The following GPR107 variants were observed in gnomAD, a reference collection of about 807,000 sequenced individuals.
GPR107 encodes G protein-coupled receptor 107.
GPR107 carries 31 observed loss-of-function variants against 75.5 expected under a neutral mutation model. The observed-to-expected ratio is 0.41, with a 90% CI of 0.31 to 0.55. The LOEUF is 0.55. Among genes scored for constraint, GPR107 ranks in the 20% least tolerant of loss-of-function variants. The pLI is 0.26. For missense variants in GPR107, 572 were observed against 665.7 expected, an observed-to-expected ratio of 0.86 and a Z score of 1.55; for synonymous variants, 267 against 251.3, an observed-to-expected ratio of 1.06 and a Z score of -0.59.
intron 7 of GPR107, among the ~76,000 whole-genome samples, chr9:130,088,679 T>C (rs911356525): frequency 1.3e-5 from 2 of 152,212 alleles, no homozygotes; most frequent in Admixed American, 1.3e-4. Context: ...ATTTTTTCTC[T>C]TTTACCAATG....
At chr9:130,055,895 G>A (rs1043682010) in intron 1 of GPR107, among the ~76,000 whole-genome samples, 4 of 151,862 alleles carry the variant, frequency 2.6e-5, no homozygotes, top group Non-Finnish European at 5.9e-5. Flanking sequence ...AGTGAGCAGA[G>A]ATCATTGTGC....
At chr9:130,096,885 A>G (rs1436317067) in intron 9 of GPR107, among the ~76,000 whole-genome samples, 3 of 152,230 alleles carry the variant, frequency 2.0e-5, no homozygotes, top group Non-Finnish European at 4.4e-5. Flanking sequence ...CCTTTCTGCG[A>G]TCTAGCCATG....
rs1020288667 is a variant in GPR107 at position 130,092,495 on chromosome 9, G to C, written c.863+114G>C. The C allele has an allele frequency of 4.8e-6, 4 of 839,842 alleles. No individual in the cohort carries two copies. The African/African-American group carries it at 6.8e-5, about 14-fold the overall frequency. The allele number at this position is 839,842 out of a possible 1,614,324, so 52.0% of individuals were successfully genotyped here. ...ACTTAGCAGTGTTGTTCCTTTCAAA[G>C]GGCATCTTCCCGGAAACAGTATGAA... On this transcript the variant is annotated intron_variant, in intron 9 of 17. Coordinates refer to ENST00000347136, the MANE Select transcript of GPR107 (RefSeq NM_020960.5).
intron 5 of GPR107, among the ~76,000 whole-genome samples, chr9:130,080,535 A>T (rs1830469108): frequency 6.6e-6 from 1 of 151,428 alleles, no homozygotes; most frequent in African/African-American, 2.4e-5. Context: ...TCTGTCGCCC[A>T]GGCTGGAGTA....
intron 14 of GPR107, among the ~76,000 whole-genome samples, chr9:130,111,637 C>T (rs780329249): frequency 1.2e-4 from 18 of 152,242 alleles, no homozygotes; most frequent in Non-Finnish European, 2.5e-4. Context: ...TTGTAGTTTT[C>T]CTTCCTGCAT....
At chr9:130,058,001 G>A (rs1829835274) in intron 1 of GPR107, among the ~76,000 whole-genome samples, 1 of 151,922 alleles carries the variant, frequency 6.6e-6, no homozygotes. Flanking sequence ...GCTAATTTTT[G>A]TATTTTTAGT....
In GPR107 at chr9:130,137,450, C is replaced by G. The variant is rs1276555264; in HGVS notation, c.*2329C>G. 1 of 152,260 alleles carries G rather than the reference C, an allele frequency of 6.6e-6. No homozygotes were observed. Among genetic ancestry groups the G allele is most frequent in the East Asian group, 1.9e-4 (1 of 5,202 alleles). The allele number at this position is 152,260 out of a possible 1,614,324, so 9.4% of individuals were successfully genotyped here. A position where few individuals can be genotyped will look rare whatever the true frequency, so the allele number is the denominator to read the frequency against. On this transcript the variant is annotated 3_prime_UTR_variant, in exon 18 of 18. Transcript: ENST00000347136. The stretch of plus-strand genomic sequence containing the variant: ...GTGGACAGATGAGATAAGACTGTTT[C>G]AGAAACAAAGATGGCCACAGCCTTC...
intron 8 of GPR107, among the ~76,000 whole-genome samples, chr9:130,091,589 C>A (rs1448664365): frequency 6.8e-6 from 1 of 148,044 alleles, no homozygotes; most frequent in African/African-American, 2.5e-5. Context: ...AGTGCAATGG[C>A]ATGATCTTGC....
At chr9:130,117,156 A>G (rs1362025280) in intron 14 of GPR107, among the ~76,000 whole-genome samples, 2 of 152,140 alleles carry the variant, frequency 1.3e-5, no homozygotes, top group Non-Finnish European at 2.9e-5. Context: ...CATGTTGGCC[A>G]GGCTGGTCTC....
chr9:130,131,607 C>G (rs1168027165), intron 17 of GPR107, among the ~76,000 whole-genome samples: 1 of 152,066 alleles, frequency 6.6e-6, no homozygotes, highest in Non-Finnish European at 1.5e-5. Flanking sequence ...CCCTGTCCTC[C>G]TGCTCCGCGT....
At chr9:130,093,157 A>G (rs1830781615) in intron 9 of GPR107, among the ~76,000 whole-genome samples, 1 of 152,072 alleles carries the variant, frequency 6.6e-6, no homozygotes, top group African/African-American at 2.4e-5. Flanking sequence ...TGACTTCCAG[A>G]TACTTGTCAC....
At chr9:130,128,260 T>C (rs1178087507) in intron 16 of GPR107, among the ~76,000 whole-genome samples, 1 of 152,194 alleles carries the variant, frequency 6.6e-6, no homozygotes, top group Non-Finnish European at 1.5e-5. Flanking sequence ...ATTATTTCGA[T>C]AATAAGTATC....
intron 4 of GPR107, among the ~76,000 whole-genome samples, chr9:130,079,317 G>A (rs1380096124): frequency 6.6e-6 from 1 of 152,170 alleles, no homozygotes; most frequent in Non-Finnish European, 1.5e-5. Context: ...TTTCTCTTGT[G>A]CACCAATTTG....
At chr9:130,095,498 G>A (rs1193720052) in intron 9 of GPR107, among the ~76,000 whole-genome samples, 2 of 152,098 alleles carry the variant, frequency 1.3e-5, no homozygotes, top group Non-Finnish European at 2.9e-5. Context: ...GGGTTTGAGT[G>A]ATTCTTCTGC....
At chr9:130,065,539 G>A (rs1390730095) in intron 1 of GPR107, among the ~76,000 whole-genome samples, 1 of 151,940 alleles carries the variant, frequency 6.6e-6, no homozygotes, top group East Asian at 1.9e-4. Context: ...GCCGCAACGG[G>A]CACCTCACTT....
chr9:130,066,956 A>G (rs983524568), intron 1 of GPR107, among the ~76,000 whole-genome samples: 1 of 151,958 alleles, frequency 6.6e-6, no homozygotes, highest in Non-Finnish European at 1.5e-5. Flanking sequence ...ACTGCACTCC[A>G]GCCTGGGCGA....
At position 130,132,451 on chromosome 9, in the gene GPR107, C is replaced by T. The variant is rs566124724; in HGVS notation, c.1563-2574C>T. On this transcript the variant is annotated intron_variant, in intron 17 of 17. Coordinates refer to ENST00000347136, the MANE Select transcript of GPR107 (RefSeq NM_020960.5). ...CGTCCTGTGTCCACCCTGGTTCTCTCCCTGCCACTCTCCTTCCCAGACTGG... is the reference window on the plus strand; with the variant it reads ...CGTCCTGTGTCCACCCTGGTTCTCTTCCTGCCACTCTCCTTCCCAGACTGG... Among the ~76,000 whole-genome samples the T allele has an allele frequency of 1.6e-3, 244 of 152,326 alleles. 1 individual carries two copies. The highest frequency in any genetic ancestry group is 2.9e-3 in the Non-Finnish European group (198 of 68,026).
rs771768704 is a variant in GPR107, at chr9:130,127,897, T to C, written c.1440+331T>C. ...TTTGTTTTTTTAGTAGAGATGGGGCTTTGCAGTGTTGGCCAGGCTGGTCTC... is the reference window on the plus strand; with the variant it reads ...TTTGTTTTTTTAGTAGAGATGGGGCCTTGCAGTGTTGGCCAGGCTGGTCTC... On this transcript the variant is annotated intron_variant, in intron 16 of 17. Transcript: ENST00000347136. Among the ~76,000 whole-genome samples, 74 of 152,144 alleles carry C rather than the reference T, an allele frequency of 4.9e-4. 1 individual carries two copies. The highest frequency in any genetic ancestry group is 7.2e-4 in the Admixed American group (11 of 15,264).
intron 1 of GPR107, among the ~76,000 whole-genome samples, chr9:130,072,761 T>G (rs987990837): frequency 1.3e-5 from 2 of 151,744 alleles, no homozygotes; most frequent in African/African-American, 4.8e-5. Flanking sequence ...AAACATTTTC[T>G]GGAAAAAAAA....
Sources: gnomAD v4.1 joint callset for allele counts (sites outside exome capture counted in the v4.1 genomes callset) on GRCh38, gnomAD v4.1.1 for gene constraint, MANE v1.5 for transcripts, NCBI Gene and HGNC (gene_info 2026-07-23, HGNC 2026-07-21) for gene names.